The following PTPRG variants were observed in gnomAD, a reference collection of about 807,000 sequenced individuals.
The protein encoded by PTPRG is receptor-type tyrosine-protein phosphatase gamma.
In PTPRG, 102 loss-of-function variants were observed where a neutral mutation model predicts 165.3. The observed-to-expected ratio is 0.62, with a 90% CI of 0.53 to 0.73. The LOEUF (loss-of-function observed/expected upper bound fraction) is 0.73. PTPRG is among the 30% of genes least tolerant of loss of function. PTPRG has a pLI of 0.00. For missense variants in PTPRG, 1,866 were observed against 1,861.4 expected (o/e 1.00, Z -0.05); for synonymous variants, 675 against 669.5 (o/e 1.01, Z -0.13).
At chr3:62,038,917 A>AAT (rs1700035644) in intron 4 of PTPRG, among the ~76,000 whole-genome samples, 1 of 152,058 alleles carries the variant, frequency 6.6e-6, no homozygotes, top group Non-Finnish European at 1.5e-5. Flanking sequence ...AGTACTCATT[A>AAT]GTTATTTTTC....
chr3:61,975,798 C>G (rs1339287485), intron 2 of PTPRG, among the ~76,000 whole-genome samples: 1 of 152,082 alleles, frequency 6.6e-6, no homozygotes, highest in Non-Finnish European at 1.5e-5. Flanking sequence ...TTCCTGTGGT[C>G]TGTAAAGATT....
chr3:62,138,589 C>T (rs112136169), intron 6 of PTPRG, among the ~76,000 whole-genome samples: 6,968 of 151,932 alleles, frequency 0.046, 317 homozygotes, highest in African/African-American at 0.12. Flanking sequence ...CATGGTGGCA[C>T]GCATCTGTAA....
In PTPRG at chr3:62,090,356, C is replaced by T. The variant is rs573733347; in HGVS notation, c.615+12098C>T. On this transcript the variant is annotated intron_variant, in intron 5 of 29. Transcript: ENST00000474889. ...GTTCTAGTTTTTTTTTAAACTGAAC[C>T]GATTATAGGGTTTAGTGCCAGATGC... 7.9e-5 allele frequency among the ~76,000 whole-genome samples: 12 copies of T among 151,966 alleles called. 1 individual carries two copies. The highest frequency in any genetic ancestry group is 1.9e-4 in the African/African-American group (8 of 41,436).
At chr3:61,592,336 A>AG (rs1222239528) in intron 1 of PTPRG, among the ~76,000 whole-genome samples, 2 of 152,118 alleles carry the variant, frequency 1.3e-5, no homozygotes, top group African/African-American at 4.8e-5. Flanking sequence ...GTAAAGGATA[A>AG]GACGTGTTCC....
intron 2 of PTPRG, among the ~76,000 whole-genome samples, chr3:61,800,086 T>A (rs928454149): frequency 1.3e-5 from 2 of 152,162 alleles, no homozygotes; most frequent in Admixed American, 6.5e-5. Context: ...AAATAAAGAC[T>A]CTGTGGTACA....
intron 2 of PTPRG, among the ~76,000 whole-genome samples, chr3:61,870,185 G>A (rs1053544799): frequency 6.6e-6 from 1 of 151,896 alleles, no homozygotes; most frequent in African/African-American, 2.4e-5. Context: ...GGACAAAAGG[G>A]TACATAGATG....
intron 2 of PTPRG, among the ~76,000 whole-genome samples, chr3:61,816,195 C>T (rs1259552150): frequency 1.3e-5 from 2 of 152,140 alleles, no homozygotes; most frequent in Non-Finnish European, 2.9e-5. Context: ...TTGTGACATG[C>T]TGTTGTTTTG....
intron 1 of PTPRG, among the ~76,000 whole-genome samples, chr3:61,614,558 C>T (rs1319825887): frequency 6.6e-6 from 1 of 151,250 alleles, no homozygotes; most frequent in African/African-American, 2.4e-5. Flanking sequence ...CACAGGTGTG[C>T]ACCACCACGC....
chr3:62,034,463 C>G (rs962447682), intron 4 of PTPRG, among the ~76,000 whole-genome samples: 2 of 152,190 alleles, frequency 1.3e-5, no homozygotes, highest in African/African-American at 4.8e-5. Flanking sequence ...TCAGAACTTG[C>G]GTGAGGTCTG....
chr3:62,100,639 G>A (rs1702259268), intron 5 of PTPRG, among the ~76,000 whole-genome samples: 2 of 152,220 alleles, frequency 1.3e-5, no homozygotes, highest in South Asian at 4.1e-4. Flanking sequence ...AGGAATGTAT[G>A]ATTTGAATTC....
At chr3:61,686,487 A>G (rs1703636334) in intron 1 of PTPRG, among the ~76,000 whole-genome samples, 1 of 152,186 alleles carries the variant, frequency 6.6e-6, no homozygotes, top group Non-Finnish European at 1.5e-5. Context: ...CGACTGGGCC[A>G]TGTCCATCAC....
intron 6 of PTPRG, among the ~76,000 whole-genome samples, chr3:62,139,519 G>A (rs1703843090): frequency 6.6e-6 from 1 of 152,138 alleles, no homozygotes; most frequent in South Asian, 2.1e-4. Flanking sequence ...GAAATCTTCT[G>A]CTGGTCAGAG....
At position 61,996,874 on chromosome 3, in the gene PTPRG, C is replaced by G. The variant is rs17065652; in HGVS notation, c.371-6475C>G. The stretch of plus-strand genomic sequence containing the variant: ...AGCTGTGTTTCCTGTCTGCTAAGCT[C>G]CATTTTCTTTGTTATCCCCACAGCC... On this transcript the variant is annotated intron_variant, in intron 3 of 29. Coordinates refer to ENST00000474889, the MANE Select transcript of PTPRG (RefSeq NM_002841.4). Among the ~76,000 whole-genome samples, 332 of 152,258 alleles carry G rather than the reference C, an allele frequency of 2.2e-3. 2 individuals carry two copies. Among genetic ancestry groups the G allele is most frequent in the African/African-American group, 7.6e-3 (316 of 41,534 alleles).
intron 2 of PTPRG, chr3:61,771,292 C>G (rs1016882046): frequency 1.3e-5 from 2 of 151,630 alleles, no homozygotes; most frequent in African/African-American, 4.8e-5. Flanking sequence ...ATGTTCAGCT[C>G]AAGTTTGCTC....
intron 2 of PTPRG, among the ~76,000 whole-genome samples, chr3:61,753,214 A>C (rs2033511600): frequency 6.6e-6 from 1 of 152,188 alleles, no homozygotes; most frequent in Admixed American, 6.5e-5. Context: ...AATATAAGTT[A>C]TTGTTGACAT....
chr3:61,997,965 T>TTA (rs2041079097), intron 3 of PTPRG, among the ~76,000 whole-genome samples: 1 of 152,180 alleles, frequency 6.6e-6, no homozygotes, highest in Non-Finnish European at 1.5e-5. Flanking sequence ...TTTTTCTACC[T>TTA]TATACTCTTG....
At chr3:61,727,049 A>AG (rs2032293254) in intron 1 of PTPRG, among the ~76,000 whole-genome samples, 1 of 151,204 alleles carries the variant, frequency 6.6e-6, no homozygotes, top group Admixed American at 6.6e-5. Context: ...TCCGTCTCAA[A>AG]AAAAAAAAAA....
intron 1 of PTPRG, among the ~76,000 whole-genome samples, chr3:61,593,232 C>G (rs945018942): frequency 6.6e-6 from 1 of 152,118 alleles, no homozygotes; most frequent in African/African-American, 2.4e-5. Context: ...TCCCTGTATA[C>G]ACACTGGGCA....
intron 28 of PTPRG, among the ~76,000 whole-genome samples, chr3:62,292,089 TTATTGTTTTTTC>T (rs1196122755): frequency 2.6e-5 from 4 of 152,132 alleles, no homozygotes; most frequent in Non-Finnish European, 5.9e-5. Flanking sequence ...GAGGTTCTCT[TTATTGTTTTTTC>T]TATTGTACCA....
Sources: gnomAD v4.1 joint callset for allele counts (sites outside exome capture counted in the v4.1 genomes callset) on GRCh38, gnomAD v4.1.1 for gene constraint, MANE v1.5 for transcripts, NCBI Gene and HGNC (gene_info 2026-07-23, HGNC 2026-07-21) for gene names.